Variants in AFDN observed in about 807,000 individuals in gnomAD.
The protein encoded by AFDN is afadin, adherens junction formation factor.
Under a neutral mutation model 216.6 loss-of-function variants are expected in AFDN, and 68 were observed. The observed-to-expected ratio is 0.31, with a 90% CI of 0.26 to 0.38. The LOEUF (loss-of-function observed/expected upper bound fraction) is 0.38, where lower values mean the gene tolerates loss of function less well. AFDN is among the 10% of genes least tolerant of loss of function. The pLI is 1.00. For missense variants in AFDN, 2,136 were observed against 2,342.0 expected (o/e 0.91, Z 1.82); for synonymous variants, 868 against 853.7 (o/e 1.02, Z -0.29).
intron 13 of AFDN, among the ~76,000 whole-genome samples, chr6:167,909,009 A>G (rs890338729): frequency 7.2e-5 from 11 of 152,172 alleles, no homozygotes; most frequent in African/African-American, 1.9e-4. Flanking sequence ...TCTTTTATCA[A>G]TGACAATGTA....
chr6:167,869,219 G>C (rs1784532777), intron 2 of AFDN, among the ~76,000 whole-genome samples: 1 of 151,992 alleles, frequency 6.6e-6, no homozygotes, highest in Non-Finnish European at 1.5e-5. Flanking sequence ...GTTTGGATAG[G>C]GAGTCAGTGA....
intron 15 of AFDN, chr6:167,911,810 T>A (rs1790437134): frequency 2.9e-6 from 1 of 350,312 alleles, no homozygotes. Context: ...TCATATAATA[T>A]TAACCATTTT....
chr6:167,828,306 A>G (rs939102908), intron 1 of AFDN, among the ~76,000 whole-genome samples: 1 of 152,216 alleles, frequency 6.6e-6, no homozygotes, highest in Admixed American at 6.5e-5. Context: ...TAATCCTTTT[A>G]TCATTAAATT....
At chr6:167,964,449 CT>C in intron 31 of AFDN, 1 of 1,065,484 alleles carries the variant, frequency 9.4e-7, no homozygotes, top group Non-Finnish European at 1.1e-6. Flanking sequence ...CAAGGGAACA[CT>C]TACTTTGTGT....
At chr6:167,890,192 C>G (rs998303536) in intron 7 of AFDN, among the ~76,000 whole-genome samples, 3 of 151,930 alleles carry the variant, frequency 2.0e-5, no homozygotes, top group Non-Finnish European at 2.9e-5. Flanking sequence ...TTTAAAACAC[C>G]AAAAAAATCT....
chr6:167,837,934 ATCTCT>A (rs1780629789), intron 1 of AFDN, among the ~76,000 whole-genome samples: 2 of 152,194 alleles, frequency 1.3e-5, no homozygotes, highest in South Asian at 4.1e-4. Flanking sequence ...GTAATAAAAC[ATCTCT>A]TCTGTTTTAT....
At chr6:167,854,664 T>G (rs1782695749) in intron 1 of AFDN, among the ~76,000 whole-genome samples, 1 of 151,726 alleles carries the variant, frequency 6.6e-6, no homozygotes, top group Non-Finnish European at 1.5e-5. Context: ...TCCCAACACA[T>G]TTATGAAGAA....
intron 9 of AFDN, among the ~76,000 whole-genome samples, chr6:167,894,297 G>A (rs1787967409): frequency 6.6e-6 from 1 of 152,128 alleles, no homozygotes; most frequent in Non-Finnish European, 1.5e-5. Flanking sequence ...TGCCGTTACT[G>A]TCTGTTGTGG....
At chr6:167,953,489 TTAAG>T (rs1269415857) in intron 30 of AFDN, among the ~76,000 whole-genome samples, 9 of 152,226 alleles carry the variant, frequency 5.9e-5, no homozygotes, top group African/African-American at 1.9e-4. Context: ...CCTTAGACAC[TTAAG>T]TTTCTTAAAT....
intron 32 of AFDN, chr6:167,968,722 C>T (rs1797795005): frequency 5.3e-6 from 1 of 189,300 alleles, no homozygotes; most frequent in Admixed American, 5.3e-5. Context: ...ACATTGAAAA[C>T]TTTGTATCTG....
intron 12 of AFDN, among the ~76,000 whole-genome samples, chr6:167,903,588 A>G (rs1157895021): frequency 6.6e-6 from 1 of 152,210 alleles, no homozygotes; most frequent in South Asian, 2.1e-4. Context: ...ATTGAATGCC[A>G]TGGTGCCACA....
At chr6:167,963,434 A>G in intron 31 of AFDN, 1 of 1,054,524 alleles carries the variant, frequency 9.5e-7, no homozygotes, top group Non-Finnish European at 1.1e-6. Flanking sequence ...GTTTTTATTA[A>G]TAATTCCTTC....
intron 1 of AFDN, among the ~76,000 whole-genome samples, chr6:167,846,210 T>C (rs1781660661): frequency 6.6e-6 from 1 of 152,002 alleles, no homozygotes; most frequent in African/African-American, 2.4e-5. Context: ...GGGCGGTCTT[T>C]TTTTTCCTTA....
rs200111665 is a variant in AFDN at position 167,951,560 on chromosome 6, C to A, written c.4206C>A (p.Asn1402Lys). ...DLPLPPPPSA[N>K]QIGLPSAQVA... Reference sequence around the variant, plus strand: ...CTCTCCCACCACCCCCTTCCGCCAACCAGATAGGGCTGCCGTCTGCGCAGG... The same window carrying A: ...CTCTCCCACCACCCCCTTCCGCCAAACAGATAGGGCTGCCGTCTGCGCAGG... Residue 1402 changes from asparagine to lysine, a missense_variant, in exon 30 of 34, where the codon AAC (asparagine) becomes AAA (lysine). Asn to Lys is a moderately conservative substitution (Grantham distance 94). Around this residue, in one of 8 missense-constraint regions of AFDN, gnomAD observed 981 missense variants for 966.0 expected, o/e 1.02. Transcript: ENST00000683244. The surrounding 1 kb of genome is among the most constrained non-coding windows in gnomAD (Gnocchi z 7.1). 6.2e-7 allele frequency: 1 copy of A among 1,613,736 alleles called. No homozygotes were observed. Among genetic ancestry groups the A allele is most frequent in the African/African-American group, 1.3e-5 (1 of 74,918 alleles).
In AFDN at chr6:167,952,268, C is replaced by T. The variant is rs760924729; in HGVS notation, c.4833+81C>T. 19 of 1,603,916 alleles carry T rather than the reference C, an allele frequency of 1.2e-5. No homozygotes were observed. The South Asian group carries it at 1.4e-4, about 11-fold the overall frequency. On this transcript the variant is annotated intron_variant, in intron 30 of 33. Transcript: ENST00000683244. ...CGTGTTTCCCATGGGGATAGCTAGG[C>T]CCCTGATCGTGATAAGGATTAAAAG...
chr6:167,826,701 C>T (rs978843341), upstream of AFDN: 2 of 433,964 alleles, frequency 4.6e-6, no homozygotes, highest in Admixed American at 4.9e-5. Context: ...GGTTGGGACC[C>T]ACCACCGCCA....
Position 167,970,774 on chromosome 6 carries a change from T to C in AFDN, c.*839T>C, listed in dbSNP as rs1414208371. 1 of 219,062 alleles carries C rather than the reference T, an allele frequency of 4.6e-6. No homozygotes were observed. The highest frequency in any genetic ancestry group is 5.8e-5 in the Admixed American group (1 of 17,266). 13.6% of individuals were successfully genotyped at this position (219,062 alleles called of 1,614,324 possible). A position where few individuals can be genotyped will look rare whatever the true frequency, so the allele number is the denominator to read the frequency against. On this transcript the variant is annotated 3_prime_UTR_variant, in exon 34 of 34. Coordinates refer to ENST00000683244, the MANE Select transcript of AFDN (RefSeq NM_001386888.1). Reference sequence around the variant, plus strand: ...GCTCCAAGGCGTCTGTAAAAGAAGATATCTTTATTGGAGCAATGTTCATGT... The same window carrying C: ...GCTCCAAGGCGTCTGTAAAAGAAGACATCTTTATTGGAGCAATGTTCATGT...
At chr6:167,834,457 G>GTTTTTTTTTTTTTTT (rs11446838) in intron 1 of AFDN, among the ~76,000 whole-genome samples, 4 of 75,256 alleles carry the variant, frequency 5.3e-5, no homozygotes, top group South Asian at 6.4e-4. Flanking sequence ...TGTTGTTTCG[G>GTTTTTTTTTTTTTTT]TTTTTTTTTT....
intron 30 of AFDN, among the ~76,000 whole-genome samples, chr6:167,959,192 T>TATC (rs1369343220): frequency 6.6e-6 from 1 of 152,226 alleles, no homozygotes; most frequent in Non-Finnish European, 1.5e-5. Flanking sequence ...CTCTAGATCT[T>TATC]ACAACTTCTA....
Sources: allele counts gnomAD v4.1 joint callset (sites outside exome capture counted in the v4.1 genomes callset), GRCh38; gene constraint gnomAD v4.1.1; regional missense constraint gnomAD v4.1.1; non-coding constraint Gnocchi (gnomAD v3.1); transcripts MANE v1.5; gene names NCBI Gene and HGNC (gene_info 2026-07-23, HGNC 2026-07-21).